Variants in RBM39 observed in about 807,000 individuals in gnomAD.
The protein encoded by RBM39 is RNA binding motif protein 39, also known as RNA-binding protein 39.
RBM39 carries 12 observed loss-of-function variants against 79.6 expected under a neutral mutation model. The ratio of observed to expected loss-of-function variants is 0.15; its 90% CI spans 0.10 to 0.24. The LOEUF is 0.24. RBM39 is among the 10% of genes least tolerant of loss of function. The pLI, the probability that RBM39 is intolerant of heterozygous loss-of-function variation, is 1.00. For missense variants in RBM39, 243 were observed against 653.4 expected (o/e 0.37, Z 6.85); for synonymous variants, 185 against 208.4 (o/e 0.89, Z 0.97).
At chr20:35,714,926 G>A (rs773738695) in intron 10 of RBM39, among the ~76,000 whole-genome samples, 8 of 152,006 alleles carry the variant, frequency 5.3e-5, no homozygotes, top group Non-Finnish European at 1.2e-4. Flanking sequence ...AGAAAAGGTG[G>A]AAAATATCCA....
Position 35,725,032 on chromosome 20 carries a change from G to A in RBM39, c.534+6C>T, listed in dbSNP as rs1324649584. The A allele has an allele frequency of 1.9e-6, 3 of 1,594,994 alleles. No homozygotes were observed. Among genetic ancestry groups the A allele is most frequent in the Admixed American group, 1.7e-5 (1 of 59,058 alleles). ...TACTTGACCTCCCTAAACAGGTTAA[G>A]ATTACCTTTCCTACTGTAGAGAAAA... On this transcript the variant is annotated splice_donor_region_variant and intron_variant, in intron 7 of 16. Transcript: ENST00000253363.
At chr20:35,738,863 G>A (rs1569083103) in intron 3 of RBM39, 105 bp downstream of exon 3, 4 of 986,186 alleles carry the variant, frequency 4.1e-6, no homozygotes, top group Admixed American at 2.7e-5. Flanking sequence ...GCAAAGAAAA[G>A]CTTCAGAAGA....
chr20:35,717,600 T>TAACTA (rs2037312421), intron 9 of RBM39, among the ~76,000 whole-genome samples: 1 of 152,206 alleles, frequency 6.6e-6, no homozygotes, highest in Non-Finnish European at 1.5e-5. Flanking sequence ...CTGTGAATTG[T>TAACTA]ACTAACTAAA....
chr20:35,707,103 T>G lies in RBM39; in HGVS notation c.1307+17A>C, dbSNP rs763496395. On this transcript the variant is annotated intron_variant, in intron 14 of 16. Coordinates refer to ENST00000253363, the MANE Select transcript of RBM39 (RefSeq NM_184234.3). ...ACGCCTTGATAGGAAATATCAAGAA[T>G]AAAGTCCATTACTTACGTTTGAGGG... 1.4e-6 allele frequency: 2 copies of G among 1,395,428 alleles called. No homozygotes were observed. Among genetic ancestry groups the G allele is most frequent in the East Asian group, 5.3e-5 (2 of 37,736 alleles). The allele number at this position is 1,395,428 out of a possible 1,614,324, so 86.4% of individuals were successfully genotyped here.
In RBM39 at chr20:35,705,512, A is replaced by G. The variant is rs59484974; in HGVS notation, c.1308-182T>C. On this transcript the variant is annotated intron_variant, in intron 14 of 16. Transcript: ENST00000253363. ...TCTGGTATTGAAAAATAAATTTTCAATGAGGCCGGGCGCGGTGACTCATGC... is the reference window on the plus strand; with the variant it reads ...TCTGGTATTGAAAAATAAATTTTCAGTGAGGCCGGGCGCGGTGACTCATGC... 2,103 of 491,174 alleles carry G rather than the reference A, an allele frequency of 4.3e-3. 25 individuals carry two copies. The highest frequency in any genetic ancestry group is 0.042 in the East Asian group (1,057 of 25,314). The allele number at this position is 491,174 out of a possible 1,614,324, so 30.4% of individuals were successfully genotyped here. A position where few individuals can be genotyped will look rare whatever the true frequency, so the allele number is the denominator to read the frequency against.
At chr20:35,721,937 T>C in intron 8 of RBM39, 60 bp from the exon 9 acceptor site, 1 of 1,538,034 alleles carries the variant, frequency 6.5e-7, no homozygotes, top group Non-Finnish European at 8.9e-7. Context: ...GACATACACC[T>C]TCCATTTGCA....
intron 10 of RBM39, among the ~76,000 whole-genome samples, chr20:35,714,995 C>T (rs1183449954): frequency 1.3e-5 from 2 of 152,128 alleles, no homozygotes; most frequent in East Asian, 1.9e-4. Flanking sequence ...TAAATTTTCT[C>T]CTTTCACCAG....
chr20:35,722,508 G>A (rs2146608071), intron 8 of RBM39, among the ~76,000 whole-genome samples: 1 of 139,706 alleles, frequency 7.2e-6, no homozygotes, highest in East Asian at 2.1e-4. Flanking sequence ...GCCCAAGCTG[G>A]TCTTGAACTC....
chr20:35,716,690 A>C (rs1569011408), intron 10 of RBM39, 50 bp downstream of exon 10: 4 of 1,122,880 alleles, frequency 3.6e-6, no homozygotes, highest in Non-Finnish European at 5.2e-6. Context: ...CAGCAAATGT[A>C]GTTTAAAAAA....
intron 6 of RBM39, among the ~76,000 whole-genome samples, chr20:35,725,808 C>T (rs2038608161): frequency 1.3e-5 from 2 of 151,002 alleles, no homozygotes; most frequent in Admixed American, 1.3e-4. Context: ...GGACTACAGG[C>T]GCCTGCCACC....
chr20:35,711,837 C>CGT (rs1600410501), intron 12 of RBM39, among the ~76,000 whole-genome samples: 2 of 152,098 alleles, frequency 1.3e-5, no homozygotes, highest in South Asian at 2.1e-4. Flanking sequence ...AGTCTCACTT[C>CGT]GTATATATAT....
At chr20:35,728,065 G>A (rs759256907) in intron 6 of RBM39, among the ~76,000 whole-genome samples, 3 of 152,250 alleles carry the variant, frequency 2.0e-5, no homozygotes, top group Non-Finnish European at 4.4e-5. Context: ...GGGATTACCC[G>A]CGTGAGCCAC....
At chr20:35,734,528 AAACAAAGTTTT>A (rs1231910999) in intron 3 of RBM39, 1 of 214,836 alleles carries the variant, frequency 4.7e-6, no homozygotes, top group Non-Finnish European at 9.5e-6. Flanking sequence ...TCCCCCTCAA[AAACAAAGTTTT>A]TGTTCTGCTC....
intron 4 of RBM39, among the ~76,000 whole-genome samples, chr20:35,729,733 C>G (rs1303954458): frequency 1.3e-5 from 2 of 151,814 alleles, no homozygotes; most frequent in Non-Finnish European, 2.9e-5. Context: ...TGAGAGGTGC[C>G]AAGACCAAAG....
chr20:35,737,083 C>G (rs2040009297), intron 3 of RBM39, among the ~76,000 whole-genome samples: 1 of 151,330 alleles, frequency 6.6e-6, no homozygotes. Context: ...ATCGTGAAAC[C>G]CTGTCTCTAC....
Position 35,704,485 on chromosome 20 carries a change from C to T in RBM39, c.1589G>A (p.Arg530Gln). Residue 530 changes from arginine (R) to glutamine (Q), a missense_variant, in exon 17 of 17, where the codon CGA becomes CAA. Arg to Gln is a conservative substitution (Grantham distance 43). This residue lies in a region of RBM39 where 48 missense variants were observed against 130.2 expected (regional missense o/e 0.37). Coordinates refer to ENST00000253363, the MANE Select transcript of RBM39 (RefSeq NM_184234.3). ...TATQLLVPSR[R>Q] is the part of the protein sequence containing the mutation. ...CATAAGGGACTATATCTTCCTTCAT[C>T]GTCTACTTGGAACCAGTAGCTGTGT... 1 of 1,602,774 alleles carries T rather than the reference C, an allele frequency of 6.2e-7. No individual in the cohort carries two copies. The highest frequency in any genetic ancestry group is 8.5e-7 in the Non-Finnish European group (1 of 1,170,980).
intron 9 of RBM39, among the ~76,000 whole-genome samples, chr20:35,719,543 GGTCAGAGCCTGTA>G (rs2037629483): frequency 6.6e-6 from 1 of 151,930 alleles, no homozygotes; most frequent in Non-Finnish European, 1.5e-5. Flanking sequence ...TGGGCGTTGT[GGTCAGAGCCTGTA>G]ATCCCAGCTA....
At chr20:35,716,217 T>C (rs571324489) in intron 10 of RBM39, among the ~76,000 whole-genome samples, 319 of 152,130 alleles carry the variant, frequency 2.1e-3, no homozygotes, top group African/African-American at 7.1e-3. Context: ...GGGATTACAG[T>C]TGAGCACCAC....
rs1255056404 is a variant in RBM39, at chr20:35,703,906, A to G, written c.*575T>C. ...GGAATTTTAAGACACACCAGAACAC[A>G]TAGTATTTACAAAGAAACTTTTACA... On this transcript the variant is annotated 3_prime_UTR_variant, in exon 17 of 17. Transcript: ENST00000253363. 1 of 152,534 alleles carries G rather than the reference A, an allele frequency of 6.6e-6. No individual in the cohort carries two copies. The highest frequency in any genetic ancestry group is 2.4e-5 in the African/African-American group (1 of 41,472). 9.4% of individuals were successfully genotyped at this position (152,534 alleles called of 1,614,324 possible).
Sources: gnomAD v4.1 joint callset for allele counts (sites outside exome capture counted in the v4.1 genomes callset) on GRCh38, gnomAD v4.1.1 for gene constraint, gnomAD v4.1.1 regional missense constraint, MANE v1.5 for transcripts, NCBI Gene and HGNC (gene_info 2026-07-23, HGNC 2026-07-21) for gene names.